NYAP2: variants seen among roughly 807,000 people sequenced by gnomAD.
NYAP2 encodes neuronal tyrosine-phosphorylated phosphoinositide-3-kinase adaptor 2.
In NYAP2, 23 loss-of-function variants were observed where a neutral mutation model predicts 50.4. The observed-to-expected ratio is 0.46, with a 90% CI of 0.33 to 0.65. NYAP2 has a LOEUF of 0.65. Ranked by LOEUF, NYAP2 falls within the 30% of genes least tolerant of loss-of-function variation. The probability of loss-of-function intolerance (pLI) is 0.02; values close to 1 mark genes in which losing one functional copy is unlikely to be tolerated. For missense variants in NYAP2, 885 were observed against 861.0 expected (o/e 1.03, Z -0.35); for synonymous variants, 394 against 365.2 (o/e 1.08, Z -0.90).
At chr2:225,448,152 G>T (rs1370641362) in intron 3 of NYAP2, among the ~76,000 whole-genome samples, 1 of 152,176 alleles carries the variant, frequency 6.6e-6, no homozygotes, top group African/African-American at 2.4e-5. Context: ...AGCAAAGAAA[G>T]CACTTTGGTG....
intron 3 of NYAP2, among the ~76,000 whole-genome samples, chr2:225,462,696 T>A (rs964387913): frequency 2.0e-5 from 3 of 152,132 alleles, no homozygotes; most frequent in African/African-American, 7.2e-5. Context: ...CAGAGCACAA[T>A]CAGAATGTCA....
intron 4 of NYAP2, among the ~76,000 whole-genome samples, chr2:225,525,743 C>T (rs1288225661): frequency 6.6e-6 from 1 of 152,170 alleles, no homozygotes; most frequent in East Asian, 1.9e-4. Context: ...ATCAGTGCTG[C>T]AGACATTAGC....
At chr2:225,550,178 A>G (rs561705524) in intron 4 of NYAP2, among the ~76,000 whole-genome samples, 1 of 152,334 alleles carries the variant, frequency 6.6e-6, no homozygotes, top group East Asian at 1.9e-4. Flanking sequence ...AGATATGGCG[A>G]CCAGAAAACA....
chr2:225,448,247 G>A (rs555966424), intron 3 of NYAP2, among the ~76,000 whole-genome samples: 79 of 152,324 alleles, frequency 5.2e-4, no homozygotes, highest in Non-Finnish European at 7.2e-4. Context: ...GCTTTTGTGG[G>A]TAGGAGCTGT....
chr2:225,506,438 T>C (rs1011758071), intron 3 of NYAP2, among the ~76,000 whole-genome samples: 3 of 152,192 alleles, frequency 2.0e-5, no homozygotes, highest in African/African-American at 7.2e-5. Context: ...TGACTTTGAG[T>C]TGAGGCATAT....
the NYAP2 span, among the ~76,000 whole-genome samples, chr2:225,674,462 G>A: frequency 1.3e-5 from 2 of 152,098 alleles, no homozygotes; most frequent in Non-Finnish European, 2.9e-5. Flanking sequence ...GAATCTTTGT[G>A]TTTATATTTG....
At chr2:225,480,823 A>T (rs1371958317) in intron 3 of NYAP2, among the ~76,000 whole-genome samples, 1 of 152,160 alleles carries the variant, frequency 6.6e-6, no homozygotes, top group East Asian at 1.9e-4. Context: ...TTTTTACATT[A>T]AAACTAGTTG....
the NYAP2 span, among the ~76,000 whole-genome samples, chr2:225,669,020 A>T: frequency 7.8e-6 from 1 of 127,396 alleles, no homozygotes; most frequent in Non-Finnish European, 1.6e-5. Flanking sequence ...TTGCATATGC[A>T]TTAACTACAG....
At chr2:225,599,010 A>C (rs1328160656) in intron 5 of NYAP2, among the ~76,000 whole-genome samples, 1 of 152,208 alleles carries the variant, frequency 6.6e-6, no homozygotes, top group Non-Finnish European at 1.5e-5. Context: ...GTGTTGGTGT[A>C]AAATGTGTGT....
chr2:225,542,876 C>T (rs937853672), intron 4 of NYAP2, among the ~76,000 whole-genome samples: 21 of 152,134 alleles, frequency 1.4e-4, no homozygotes, highest in African/African-American at 4.8e-4. Flanking sequence ...TAGAATTCAG[C>T]AATAAAGCCA....
chr2:225,547,588 T>C (rs1356062402), intron 4 of NYAP2, among the ~76,000 whole-genome samples: 2 of 152,190 alleles, frequency 1.3e-5, no homozygotes, highest in African/African-American at 2.4e-5. Context: ...TCCTCTGTGA[T>C]AGGACAGCAC....
At chr2:225,515,217 A>G (rs1000879645) in intron 4 of NYAP2, among the ~76,000 whole-genome samples, 1 of 152,216 alleles carries the variant, frequency 6.6e-6, no homozygotes, top group Non-Finnish European at 1.5e-5. Flanking sequence ...GCATGTAAGT[A>G]TATGTGGTTA....
intron 5 of NYAP2, among the ~76,000 whole-genome samples, chr2:225,611,639 A>C (rs1257433572): frequency 6.6e-6 from 1 of 151,758 alleles, no homozygotes; most frequent in Non-Finnish European, 1.5e-5. Flanking sequence ...TATATCTATC[A>C]TCTCTTCTTG....
chr2:225,662,259 A>G, the NYAP2 span, among the ~76,000 whole-genome samples: 1 of 152,238 alleles, frequency 6.6e-6, no homozygotes, highest in Non-Finnish European at 1.5e-5. Context: ...TTCATCGGTT[A>G]TTACATTTTT....
chr2:225,491,203 A>G (rs1349562454), intron 3 of NYAP2, among the ~76,000 whole-genome samples: 4 of 152,240 alleles, frequency 2.6e-5, no homozygotes, highest in Admixed American at 2.6e-4. Flanking sequence ...TATTACCTTA[A>G]GCTTAATTAC....
At chr2:225,593,129 G>A (rs1692538641) in intron 5 of NYAP2, among the ~76,000 whole-genome samples, 1 of 152,088 alleles carries the variant, frequency 6.6e-6, no homozygotes, top group African/African-American at 2.4e-5. Flanking sequence ...TTCAGTATAA[G>A]TGAGTTCCTA....
chr2:225,665,807 TAAAAAAAAAAAAAA>T, the NYAP2 span, among the ~76,000 whole-genome samples: 74 of 21,000 alleles, frequency 3.5e-3, 2 homozygotes, highest in Middle Eastern at 0.12. Flanking sequence ...AGCCTCCGTC[TAAAAAAAAAAAAAA>T]AAAAAAAAAA....
chr2:225,532,126 C>T (rs2106197868), intron 4 of NYAP2, among the ~76,000 whole-genome samples: 1 of 152,268 alleles, frequency 6.6e-6, no homozygotes, highest in Non-Finnish European at 1.5e-5. Flanking sequence ...CTGTATATTT[C>T]CGGTTTCACT....
At chr2:225,611,791 A>G (rs1483954444) in intron 5 of NYAP2, among the ~76,000 whole-genome samples, 2 of 151,864 alleles carry the variant, frequency 1.3e-5, no homozygotes, top group East Asian at 3.9e-4. Flanking sequence ...CTGGCATTCA[A>G]AATGTCTAGA....
Sources: gnomAD v4.1 joint callset for allele counts (sites outside exome capture counted in the v4.1 genomes callset) on GRCh38, gnomAD v4.1.1 for gene constraint, MANE v1.5 for transcripts, NCBI Gene and HGNC (gene_info 2026-07-23, HGNC 2026-07-21) for gene names.